ADCY7: variants seen among roughly 807,000 people sequenced by gnomAD.
ADCY7 encodes adenylate cyclase 7.
ADCY7 carries 72 observed loss-of-function variants against 120.6 expected under a neutral mutation model. The observed-to-expected ratio is 0.60, with a 90% CI of 0.49 to 0.73. ADCY7 has a LOEUF of 0.73. ADCY7 is among the 30% of genes least tolerant of loss of function. The pLI is 0.00. For missense variants in ADCY7, 1,227 were observed against 1,486.0 expected, an observed-to-expected ratio of 0.83 and a Z score of 2.87; for synonymous variants, 661 against 628.0, an observed-to-expected ratio of 1.05 and a Z score of -0.78.
Position 50,294,632 on chromosome 16 carries a change from A to AAAC in ADCY7, c.837-8_837-7insAAC. On this transcript the variant is annotated splice_region_variant and splice_polypyrimidine_tract_variant and intron_variant, in intron 6 of 25. Transcript: ENST00000673801. The stretch of plus-strand genomic sequence containing the variant: ...CTGACACTCCCTCCCACCCTGCCCC[A>AAAC]TCCCCAGCATCCTCTATGCGGACAT... 1.3e-5 allele frequency: 11 copies of AAAC among 836,816 alleles called. No homozygotes were observed. Among genetic ancestry groups the AAAC allele is most frequent in the Non-Finnish European group, 1.8e-5 (9 of 504,770 alleles). The allele number at this position is 836,816 out of a possible 1,614,324, so 51.8% of individuals were successfully genotyped here. A position where few individuals can be genotyped will look rare whatever the true frequency, so the allele number is the denominator to read the frequency against.
At chr16:50,309,778 T>C in intron 18 of ADCY7, 132 bp downstream of exon 18, 1 of 801,886 alleles carries the variant, frequency 1.2e-6, no homozygotes, top group Non-Finnish European at 1.9e-6. Context: ...GAACAGCCTC[T>C]CCTGCAGAGC....
At chr16:50,310,925 T>C in intron 19 of ADCY7, 45 bp downstream of exon 19, 1 of 1,518,852 alleles carries the variant, frequency 6.6e-7, no homozygotes, top group Non-Finnish European at 8.8e-7. Context: ...GGTGGCCTGT[T>C]CATCTGGTGC....
chr16:50,256,114 C>A (rs1346228317), intron 1 of ADCY7, among the ~76,000 whole-genome samples: 1 of 152,024 alleles, frequency 6.6e-6, no homozygotes, highest in African/African-American at 2.4e-5. Context: ...CTCTGCATGG[C>A]AAAGAAAACA....
At chr16:50,247,545 T>TTC (rs1189441430) in intron 1 of ADCY7, among the ~76,000 whole-genome samples, 4 of 146,722 alleles carry the variant, frequency 2.7e-5, no homozygotes, top group African/African-American at 1.0e-4. Context: ...AGTAATTTTT[T>TTC]TTTTTTTTTT....
Position 50,294,627 on chromosome 16 carries a change from GCCCCAT to G in ADCY7, c.837-7_837-2del. The stretch of plus-strand genomic sequence containing the variant: ...TGGCTCTGACACTCCCTCCCACCCT[GCCCCAT>G]CCCCAGCATCCTCTATGCGGACATC... On this transcript the variant is annotated splice_region_variant and splice_polypyrimidine_tract_variant and intron_variant, in intron 6 of 25. Coordinates refer to ENST00000673801, the MANE Select transcript of ADCY7 (RefSeq NM_001114.5). 7.8e-7 allele frequency: 1 copy of G among 1,287,398 alleles called. No homozygotes were observed. Among genetic ancestry groups the G allele is most frequent in the South Asian group, 1.2e-5 (1 of 84,626 alleles). 79.7% of individuals were successfully genotyped at this position (1,287,398 alleles called of 1,614,324 possible).
intron 11 of ADCY7, 134 bp downstream of exon 11, chr16:50,304,685 C>A: frequency 9.6e-7 from 1 of 1,047,020 alleles, no homozygotes; most frequent in Non-Finnish European, 1.4e-6. Context: ...TCTGCCCCAC[C>A]TCCTGGGGCT....
intron 1 of ADCY7, chr16:50,279,731 C>A (rs1275604449): frequency 6.6e-6 from 1 of 152,186 alleles, no homozygotes; most frequent in Non-Finnish European, 1.5e-5. Flanking sequence ...TCTCCCTGGG[C>A]AGTCACTAAC....
At chr16:50,261,720 A>C (rs903031079), upstream of ADCY7, among the ~76,000 whole-genome samples, 2 of 152,158 alleles carry the variant, frequency 1.3e-5, no homozygotes, top group African/African-American at 2.4e-5. Context: ...AGCTCCGCCA[A>C]AGTCTCTCCC....
At chr16:50,313,351 C>T (rs1227050410) in intron 22 of ADCY7, 11 of 283,460 alleles carry the variant, frequency 3.9e-5, no homozygotes, top group South Asian at 1.0e-4. Context: ...ACCTGGGAGG[C>T]GGTTGCAGTG....
In ADCY7 at chr16:50,306,392, C is replaced by G. The variant is rs548713283; in HGVS notation, c.1752+543C>G. On this transcript the variant is annotated intron_variant, in intron 14 of 25. Transcript: ENST00000673801. ...GGCTCTCAGAGGCTTCAGAGCCTGT[C>G]CCCAGCTTCAGGTGTGGCTCCCTGA... Among the ~76,000 whole-genome samples, 6 of 152,282 alleles carry G rather than the reference C, an allele frequency of 3.9e-5. No homozygotes were observed. The East Asian group carries it at 1.2e-3, about 29-fold the overall frequency.
At chr16:50,246,558 C>G (rs1467609262) in intron 1 of ADCY7, among the ~76,000 whole-genome samples, 2 of 152,144 alleles carry the variant, frequency 1.3e-5, no homozygotes, top group Admixed American at 1.3e-4. Flanking sequence ...TGGCTTAGGG[C>G]ACAGAAGGGG....
chr16:50,288,391 A>C (rs1279163387), intron 2 of ADCY7, 41 bp downstream of exon 2: 1 of 1,492,494 alleles, frequency 6.7e-7, no homozygotes, highest in Non-Finnish European at 9.0e-7. Context: ...CTCGGCCCCA[A>C]CCTTGGCCAA....
At chr16:50,312,664 G>C (rs1207768677) in intron 21 of ADCY7, among the ~76,000 whole-genome samples, 1 of 152,170 alleles carries the variant, frequency 6.6e-6, no homozygotes, top group Non-Finnish European at 1.5e-5. Context: ...AACACCCATG[G>C]TGCTTCTGTG....
At chr16:50,309,414 G>T in intron 17 of ADCY7, 134 bp from the exon 18 acceptor site, 2 of 678,218 alleles carry the variant, frequency 2.9e-6, no homozygotes, top group African/African-American at 1.8e-5. Context: ...GGCTTGAGCC[G>T]TGCTCAGAGC....
chr16:50,272,414 G>C lies in ADCY7; in HGVS notation c.-269+5734G>C, dbSNP rs537393219. 2.0e-4 allele frequency among the ~76,000 whole-genome samples: 31 copies of C among 152,278 alleles called. No individual in the cohort carries two copies. In the South Asian group the frequency reaches 6.2e-3, roughly 31 times the overall value. ...TGAAACAACCTAGTCACACTGCCTC[G>C]GGCGCAGCTGACTGAGATCATTGCT... On this transcript the variant is annotated intron_variant, in intron 1 of 25. Coordinates refer to ENST00000673801, the MANE Select transcript of ADCY7 (RefSeq NM_001114.5).
Position 50,308,717 on chromosome 16 carries a change from GAC to G in ADCY7, c.1990_1991del (p.Gln664AlafsTer38), listed in dbSNP as rs755884654. The part of the protein sequence containing the change: ...TLCTISERVE[T>X]QPLLRLTLAV... ...TCTGCACTATCTCTGAGAGGGTGGA[GAC>G]ACAGCCCCTGCTGAGGCTGACCCTG... On this transcript the variant is annotated frameshift_variant, in exon 17 of 26. Transcript: ENST00000673801. LOFTEE classifies it high-confidence loss of function. 6.2e-6 allele frequency: 10 copies of G among 1,613,724 alleles called. No individual in the cohort carries two copies.
At chr16:50,261,043 C>G in intron 1 of ADCY7, among the ~76,000 whole-genome samples, 1 of 152,220 alleles carries the variant, frequency 6.6e-6, no homozygotes, top group Admixed American at 6.5e-5. Context: ...CTCACACCTA[C>G]TGCCAAGTGA....
At chr16:50,250,619 C>T (rs2032731091) in intron 1 of ADCY7, among the ~76,000 whole-genome samples, 1 of 63,016 alleles carries the variant, frequency 1.6e-5, no homozygotes, top group Admixed American at 2.1e-4. Flanking sequence ...TAAAAATAAA[C>T]AATTTTAAAA....
chr16:50,304,226 ACTT>A (rs1241150870), intron 10 of ADCY7, 131 bp from the exon 11 acceptor site: 2 of 943,638 alleles, frequency 2.1e-6, no homozygotes, highest in Non-Finnish European at 2.9e-6. Context: ...GGGTTGAGCA[ACTT>A]CTTTGCTGTT....
Sources: allele counts gnomAD v4.1 joint callset (sites outside exome capture counted in the v4.1 genomes callset), GRCh38; gene constraint gnomAD v4.1.1; transcripts MANE v1.5; gene names NCBI Gene and HGNC (gene_info 2026-07-23, HGNC 2026-07-21).